Variants in CCDC180 observed in about 807,000 individuals in gnomAD.
CCDC180 encodes the protein coiled-coil domain-containing protein 180.
Under a neutral mutation model 209.2 loss-of-function variants are expected in CCDC180, and 154 were observed. The ratio of observed to expected loss-of-function variants is 0.74; its 90% CI spans 0.65 to 0.84. The LOEUF (loss-of-function observed/expected upper bound fraction) is 0.84. Among genes scored for constraint, CCDC180 ranks in the 40% least tolerant of loss-of-function variants. CCDC180 has a pLI of 0.00. For synonymous variants in CCDC180, 778 were observed against 749.1 expected, an observed-to-expected ratio of 1.04 and a Z score of -0.63; for missense variants, 1,874 against 1,997.3, an observed-to-expected ratio of 0.94 and a Z score of 1.18.
intron 20 of CCDC180, among the ~76,000 whole-genome samples, chr9:97,348,119 C>CG (rs5899305): frequency 3.0e-4 from 44 of 148,140 alleles, no homozygotes; most frequent in South Asian, 6.5e-4. Flanking sequence ...TAATGCGGGG[C>CG]GGGGGGGGGG....
In CCDC180 at chr9:97,370,068, C is replaced by T; in HGVS notation, c.4336C>T (p.Leu1446=). The change falls in exon 32 of 37, where the codon CTG becomes TTG. Residue 1446 remains leucine, a synonymous_variant. Transcript: ENST00000529487. Reference sequence around the variant, plus strand: ...ACAGTTCGAGGAACAGCAGAAGCGGCTGGAGAAAAGAAAGGTGAGGGCCCC... The same window carrying T: ...ACAGTTCGAGGAACAGCAGAAGCGGTTGGAGAAAAGAAAGGTGAGGGCCCC... ...RGQFEEQQKR[L]EKRKDKNAQK... The T allele has an allele frequency of 6.2e-7, 1 of 1,613,862 alleles. No individual in the cohort carries two copies. Among genetic ancestry groups the T allele is most frequent in the Non-Finnish European group, 8.5e-7 (1 of 1,179,912 alleles).
intron 21 of CCDC180, 26 bp downstream of exon 21, chr9:97,349,317 C>A: frequency 2.6e-6 from 4 of 1,525,652 alleles, no homozygotes; most frequent in African/African-American, 1.4e-5. Context: ...AGTCTCCACC[C>A]CAGCCATGTG....
chr9:97,314,623 G>A lies in CCDC180; in HGVS notation c.594G>A (p.Leu198=). 6.2e-7 allele frequency: 1 copy of A among 1,614,058 alleles called. No individual in the cohort carries two copies. The highest frequency in any genetic ancestry group is 1.7e-5 in the Admixed American group (1 of 60,020). ...ACCCAAACTTCTCTGCGTAGGCCCT[G>A]CTGGAGCTGTGGGATAAGGTGGCCG... ...TNLEDYTIQA[L]LELWDKVAGR... is the part of the protein sequence containing the mutation. Residue 198 remains leucine (L), a synonymous_variant, in exon 7 of 37, where the codon CTG becomes CTA. Transcript: ENST00000529487.
intron 24 of CCDC180, among the ~76,000 whole-genome samples, chr9:97,356,811 C>T (rs1303585322): frequency 6.6e-6 from 1 of 152,154 alleles, no homozygotes; most frequent in Non-Finnish European, 1.5e-5. Context: ...GAATATAGAA[C>T]AAATACAAAA....
Position 97,335,785 on chromosome 9 carries a change from C to G in CCDC180, c.2274+5018C>G, listed in dbSNP as rs539645672. Among the ~76,000 whole-genome samples, 89 of 152,320 alleles carry G rather than the reference C, an allele frequency of 5.8e-4. 1 individual carries two copies. Among genetic ancestry groups the G allele is most frequent in the African/African-American group, 2.1e-3 (86 of 41,580 alleles). ...TCCACAACGGTTGAACTAGTTTACACTCCCACCAACAGTGTAAAAGCATTC... is the reference window on the plus strand; with the variant it reads ...TCCACAACGGTTGAACTAGTTTACAGTCCCACCAACAGTGTAAAAGCATTC... On this transcript the variant is annotated intron_variant, in intron 18 of 36. Coordinates refer to ENST00000529487, the MANE Select transcript of CCDC180 (RefSeq NM_020893.6).
At chr9:97,376,723 T>C in intron 36 of CCDC180, 40 bp from the exon 37 acceptor site, 4 of 1,599,850 alleles carry the variant, frequency 2.5e-6, no homozygotes, top group South Asian at 2.2e-5. Flanking sequence ...GGTCCAGATG[T>C]CTCTCCTCAT....
chr9:97,347,629 T>A, intron 20 of CCDC180, 140 bp downstream of exon 20: 1 of 790,740 alleles, frequency 1.3e-6, no homozygotes, highest in Non-Finnish European at 1.9e-6. Context: ...ATGGAAGATG[T>A]ACATGAGGGT....
At chr9:97,351,753 C>G (rs1212554190) in intron 22 of CCDC180, among the ~76,000 whole-genome samples, 3 of 152,158 alleles carry the variant, frequency 2.0e-5, no homozygotes, top group Non-Finnish European at 4.4e-5. Context: ...ACCAGCATCA[C>G]CAAATCATGG....
intron 34 of CCDC180, chr9:97,372,741 T>TTCCAGC (rs71487324): frequency 0.21 from 32,216 of 151,746 alleles, 3,599 homozygotes; most frequent in East Asian, 0.39. Flanking sequence ...GCACGTGTAG[T>TTCCAGC]TCCAGCTCCT....
At chr9:97,340,519 A>G (rs991850913) in intron 18 of CCDC180, among the ~76,000 whole-genome samples, 1 of 152,212 alleles carries the variant, frequency 6.6e-6, no homozygotes, top group Non-Finnish European at 1.5e-5. Flanking sequence ...GTTTGTAGCA[A>G]TTACTCTTTA....
Position 97,377,098 on chromosome 9 carries a change from G to A in CCDC180, c.*204G>A. On this transcript the variant is annotated 3_prime_UTR_variant, in exon 37 of 37. Coordinates refer to ENST00000529487, the MANE Select transcript of CCDC180 (RefSeq NM_020893.6). ...CTCTTCCCATGAGGAAGGCAAGCAT[G>A]AAAGGGGAATTCCACGTGGTTAGCA... is the stretch of plus-strand genomic sequence containing the variant. The A allele has an allele frequency of 2.3e-6, 1 of 442,644 alleles. No homozygotes were observed. Among genetic ancestry groups the A allele is most frequent in the Non-Finnish European group, 3.9e-6 (1 of 255,646 alleles). The allele number at this position is 442,644 out of a possible 1,614,324, so 27.4% of individuals were successfully genotyped here.
At chr9:97,342,979 A>C (rs1358280191) in intron 18 of CCDC180, among the ~76,000 whole-genome samples, 1 of 152,232 alleles carries the variant, frequency 6.6e-6, no homozygotes, top group Non-Finnish European at 1.5e-5. Context: ...AGGAATCCCA[A>C]ACTCAAATGC....
At chr9:97,315,985 A>G (rs1373142187) in intron 8 of CCDC180, among the ~76,000 whole-genome samples, 1 of 152,246 alleles carries the variant, frequency 6.6e-6, no homozygotes, top group Non-Finnish European at 1.5e-5. Flanking sequence ...TTGAAAAATC[A>G]TGTCAAGCCA....
In CCDC180 at chr9:97,312,210, C is replaced by A; in HGVS notation, c.349+9C>A. On this transcript the variant is annotated intron_variant, in intron 4 of 36. Transcript: ENST00000529487. ...TCTCATGGATACTATAGGTGAGCCT[C>A]CATTCAGCCTCAAGGCAGGCCTGTC... 1 of 1,612,576 alleles carries A rather than the reference C, an allele frequency of 6.2e-7. No homozygotes were observed. The highest frequency in any genetic ancestry group is 8.5e-7 in the Non-Finnish European group (1 of 1,178,772).
chr9:97,314,771 C>T (rs769880549), intron 7 of CCDC180, 43 bp downstream of exon 7: 66 of 1,602,676 alleles, frequency 4.1e-5, no homozygotes, highest in Admixed American at 1.5e-4. Flanking sequence ...TGTCACTTGC[C>T]GGGTTTATTA....
At chr9:97,363,771 T>A (rs1230718757) in intron 28 of CCDC180, 1 of 546,388 alleles carries the variant, frequency 1.8e-6, no homozygotes, top group Non-Finnish European at 3.5e-6. Context: ...GAAGCAGGAA[T>A]GCAAATTTCT....
At chr9:97,309,673 G>A in intron 3 of CCDC180, 69 bp downstream of exon 3, 3 of 1,310,524 alleles carry the variant, frequency 2.3e-6, no homozygotes, top group Non-Finnish European at 3.1e-6. Context: ...CTCAAAAAGA[G>A]CCAGCACAAG....
At chr9:97,330,092 TG>T (rs1384349269) in intron 16 of CCDC180, 61 bp from the exon 17 acceptor site, 50 of 691,118 alleles carry the variant, frequency 7.2e-5, no homozygotes, top group South Asian at 5.6e-4. Context: ...AAAAAAAAGG[TG>T]GGGGGCACTC....
In CCDC180 at chr9:97,350,389, T is replaced by C; in HGVS notation, c.2856-20T>C. The C allele has an allele frequency of 6.5e-7, 1 of 1,534,488 alleles. No individual in the cohort carries two copies. Among genetic ancestry groups the C allele is most frequent in the Non-Finnish European group, 8.7e-7 (1 of 1,146,748 alleles). On this transcript the variant is annotated intron_variant, in intron 21 of 36. Transcript: ENST00000529487. ...GGGTTGTCCCCCATCACTGTCCTGT[T>C]CCTCCTCTGTCTCCCACAGGCTGGT...
Sources: gnomAD v4.1 joint callset for allele counts (sites outside exome capture counted in the v4.1 genomes callset) on GRCh38, gnomAD v4.1.1 for gene constraint, MANE v1.5 for transcripts, NCBI Gene and HGNC (gene_info 2026-07-23, HGNC 2026-07-21) for gene names.